Variants in LRP1B observed in about 807,000 individuals in gnomAD.
The protein encoded by LRP1B is low-density lipoprotein receptor-related protein 1B.
A neutral mutation model predicts 556.6 loss-of-function variants in LRP1B; 217 were observed. The ratio of observed to expected loss-of-function variants is 0.39; its 90% CI spans 0.35 to 0.44. The LOEUF (loss-of-function observed/expected upper bound fraction) is 0.44, where lower values mean the gene tolerates loss of function less well. LRP1B is among the 20% of genes least tolerant of loss of function. The pLI, the probability that LRP1B is intolerant of heterozygous loss-of-function variation, is 1.00. For synonymous variants in LRP1B, 2,047 were observed against 1,865.8 expected (o/e 1.10, Z -2.50); for missense variants, 5,053 against 5,620.8 (o/e 0.90, Z 3.23).
At chr2:140,555,484 G>C (rs1407500168) in intron 43 of LRP1B, among the ~76,000 whole-genome samples, 2 of 151,998 alleles carry the variant, frequency 1.3e-5, no homozygotes, top group African/African-American at 4.8e-5. Flanking sequence ...TTTGTCATAA[G>C]ATTCTGGAAA....
At chr2:140,916,883 C>A (rs1301052443) in intron 21 of LRP1B, among the ~76,000 whole-genome samples, 2 of 152,068 alleles carry the variant, frequency 1.3e-5, no homozygotes, top group African/African-American at 2.4e-5. Context: ...ACATGCTATG[C>A]CCACTCTTGC....
intron 1 of LRP1B, among the ~76,000 whole-genome samples, chr2:141,893,887 A>C (rs1368599869): frequency 6.6e-6 from 1 of 152,096 alleles, no homozygotes; most frequent in African/African-American, 2.4e-5. Flanking sequence ...AAGATTTAAA[A>C]ATCCCGCCTT....
chr2:140,782,146 C>A (rs189416807), intron 32 of LRP1B, among the ~76,000 whole-genome samples: 2 of 152,070 alleles, frequency 1.3e-5, no homozygotes, highest in Non-Finnish European at 2.9e-5. Context: ...TTAAGCTGTA[C>A]GTAAGCAGGG....
chr2:141,810,113 A>AAGAAAGAAAG lies in LRP1B; in HGVS notation c.205+165_205+166insCTTTCTTTCT, dbSNP rs878861986. Among the ~76,000 whole-genome samples the AAGAAAGAAAG allele has an allele frequency of 4.0e-4, 31 of 77,924 alleles. 1 individual carries two copies. The highest frequency in any genetic ancestry group is 2.1e-3 in the South Asian group (5 of 2,416). The allele number at this position is 77,924 out of a possible 152,430, so 51.1% of individuals were successfully genotyped here. On this transcript the variant is annotated intron_variant, in intron 2 of 90. Coordinates refer to ENST00000389484, the MANE Select transcript of LRP1B (RefSeq NM_018557.3). ...TTTGGAAAAAAGAAAGAAAGAAAGA[A>AAGAAAGAAAG]AAAGAAAGAAAGAAAGAAAGAAAGA... is the stretch of plus-strand genomic sequence containing the variant.
intron 21 of LRP1B, among the ~76,000 whole-genome samples, chr2:140,909,744 T>G (rs574815295): frequency 6.6e-6 from 1 of 151,026 alleles, no homozygotes; most frequent in Admixed American, 6.6e-5. Context: ...TAAAATCAAT[T>G]AAAATTACAT....
chr2:141,765,730 C>T (rs933662473), intron 2 of LRP1B, among the ~76,000 whole-genome samples: 4 of 152,152 alleles, frequency 2.6e-5, no homozygotes, highest in African/African-American at 9.7e-5. Flanking sequence ...TCAAAGGGAG[C>T]AAAGGTCGCT....
intron 20 of LRP1B, among the ~76,000 whole-genome samples, chr2:140,935,978 A>G (rs1342896465): frequency 6.6e-6 from 1 of 151,582 alleles, no homozygotes; most frequent in Non-Finnish European, 1.5e-5. Flanking sequence ...ATATATGCAT[A>G]TCAGCTTAGA....
chr2:141,115,649 GTGTGTGTGTT>G (rs1233547055), intron 7 of LRP1B, among the ~76,000 whole-genome samples: 57 of 123,140 alleles, frequency 4.6e-4, no homozygotes, highest in South Asian at 2.8e-3. Flanking sequence ...GTGTGTGTGT[GTGTGTGTGTT>G]TTTTAGTAGA....
chr2:141,881,144 G>C (rs543145311), intron 1 of LRP1B, among the ~76,000 whole-genome samples: 6 of 152,064 alleles, frequency 3.9e-5, no homozygotes, highest in South Asian at 2.1e-4. Flanking sequence ...ATTAAATATG[G>C]TATGGCTCCA....
intron 87 of LRP1B, among the ~76,000 whole-genome samples, chr2:140,240,210 C>G (rs1573669361): frequency 8.9e-6 from 1 of 112,854 alleles, no homozygotes; most frequent in Non-Finnish European, 2.2e-5. Flanking sequence ...TTCTCATGTT[C>G]TAGTTTCTGA....
intron 2 of LRP1B, among the ~76,000 whole-genome samples, chr2:141,614,522 C>G (rs997541754): frequency 6.6e-6 from 1 of 152,102 alleles, no homozygotes; most frequent in Non-Finnish European, 1.5e-5. Context: ...AGAATGAGGT[C>G]ATTAGGGTGG....
chr2:141,103,828 C>T (rs1392144763), intron 7 of LRP1B, among the ~76,000 whole-genome samples: 1 of 150,990 alleles, frequency 6.6e-6, no homozygotes, highest in African/African-American at 2.4e-5. Flanking sequence ...CACAAAAATG[C>T]TGTTGGTTTC....
intron 41 of LRP1B, among the ~76,000 whole-genome samples, chr2:140,620,185 G>C (rs989151510): frequency 5.3e-5 from 8 of 152,150 alleles, no homozygotes; most frequent in African/African-American, 1.7e-4. Flanking sequence ...AGACAGAAAA[G>C]TTAGCCTGTC....
chr2:141,438,300 A>ATG (rs1199596550), intron 3 of LRP1B, among the ~76,000 whole-genome samples: 5 of 151,862 alleles, frequency 3.3e-5, no homozygotes, highest in Non-Finnish European at 7.4e-5. Context: ...CATGTGTGTA[A>ATG]TGTGTGTGTG....
chr2:140,325,481 A>G (rs181294793), intron 80 of LRP1B, among the ~76,000 whole-genome samples: 116 of 152,268 alleles, frequency 7.6e-4, no homozygotes, highest in African/African-American at 2.1e-3. Context: ...TGTTCTGCTC[A>G]GAATGGAATA....
rs142100590 is a variant in LRP1B, at chr2:140,944,023, C to T, written c.3136+6212G>A. ...AAGAATAAACAAGATCAATAGGCTACTAAACTAATGAAGAACAAAAGAGAG... is the reference window on the plus strand; with the variant it reads ...AAGAATAAACAAGATCAATAGGCTATTAAACTAATGAAGAACAAAAGAGAG... On this transcript the variant is annotated intron_variant, in intron 20 of 90. Transcript: ENST00000389484. Among the ~76,000 whole-genome samples, 175 of 152,058 alleles carry T rather than the reference C, an allele frequency of 1.2e-3. 3 individuals carry two copies. In the East Asian group the frequency reaches 0.031, roughly 27 times the overall value.
chr2:140,610,391 T>A (rs1488466760), intron 41 of LRP1B, among the ~76,000 whole-genome samples: 4 of 152,190 alleles, frequency 2.6e-5, no homozygotes, highest in African/African-American at 9.7e-5. Context: ...AATATGTATT[T>A]CTGAATCCAC....
intron 1 of LRP1B, among the ~76,000 whole-genome samples, chr2:142,086,723 T>C (rs1441171331): frequency 3.0e-4 from 46 of 152,210 alleles, no homozygotes; most frequent in Non-Finnish European, 8.8e-5. Flanking sequence ...ATTTGAATTT[T>C]ATATTTTTAA....
At chr2:140,987,962 A>C (rs780112383) in intron 17 of LRP1B, among the ~76,000 whole-genome samples, 20 of 152,062 alleles carry the variant, frequency 1.3e-4, no homozygotes, top group Admixed American at 3.3e-4. Flanking sequence ...CTAACTTGGG[A>C]GACAGAGCAA....
Sources: gnomAD v4.1 joint callset for allele counts (sites outside exome capture counted in the v4.1 genomes callset) on GRCh38, gnomAD v4.1.1 for gene constraint, MANE v1.5 for transcripts, NCBI Gene and HGNC (gene_info 2026-07-23, HGNC 2026-07-21) for gene names.